E2F3: variants seen among roughly 807,000 people sequenced by gnomAD.
E2F3 encodes transcription factor E2F3.
In E2F3, 11 loss-of-function variants were observed where a neutral mutation model predicts 44.4. The ratio of observed to expected loss-of-function variants is 0.25; its 90% CI spans 0.16 to 0.41. The LOEUF (loss-of-function observed/expected upper bound fraction) is 0.41. E2F3 is among the 10% of genes least tolerant of loss of function. E2F3 has a pLI of 1.00. For missense variants in E2F3, 487 were observed against 583.6 expected (o/e 0.83, Z 1.70); for synonymous variants, 249 against 253.0 (o/e 0.98, Z 0.15).
rs532381766 is a variant in E2F3 at position 20,462,052 on chromosome 6, A to C, written c.394-17794A>C. 7.9e-5 allele frequency among the ~76,000 whole-genome samples: 12 copies of C among 152,256 alleles called. No individual in the cohort carries two copies. The East Asian group carries it at 2.3e-3, about 29-fold the overall frequency. On this transcript the variant is annotated intron_variant, in intron 1 of 6. Coordinates refer to ENST00000346618, the MANE Select transcript of E2F3 (RefSeq NM_001949.5). ...TAGTAGTCTCTTCTAGGAATCCCCT[A>C]TTCCTGTCTTTTATCTAATTTTTCT... is the stretch of plus-strand genomic sequence containing the variant.
Position 20,486,893 on chromosome 6 carries a change from C to T in E2F3, c.999+90C>T, listed in dbSNP as rs1762410972. On this transcript the variant is annotated intron_variant, in intron 5 of 6. Coordinates refer to ENST00000346618, the MANE Select transcript of E2F3 (RefSeq NM_001949.5). ...CATTGACTCATAGTTAAAGTCTGTC[C>T]CCCTCCTATGAACTTGATGGTTCTT... is the stretch of plus-strand genomic sequence containing the variant. 4 of 790,796 alleles carry T rather than the reference C, an allele frequency of 5.1e-6. No individual in the cohort carries two copies. In the East Asian group the frequency reaches 1.0e-4, roughly 21 times the overall value. 49.0% of individuals were successfully genotyped at this position (790,796 alleles called of 1,614,324 possible).
intron 1 of E2F3, among the ~76,000 whole-genome samples, chr6:20,441,080 T>C (rs1760756662): frequency 6.6e-6 from 1 of 152,216 alleles, no homozygotes; most frequent in Admixed American, 6.5e-5. Context: ...TGGCTACATT[T>C]ACAATGTTAT....
At chr6:20,483,069 G>A in intron 4 of E2F3, 149 bp downstream of exon 4, 3 of 1,156,086 alleles carry the variant, frequency 2.6e-6, no homozygotes, top group South Asian at 1.5e-5. Flanking sequence ...GTGTGTGTGT[G>A]CACGTGTGTG....
intron 3 of E2F3, among the ~76,000 whole-genome samples, chr6:20,481,980 C>T (rs761660988): frequency 2.6e-5 from 4 of 151,962 alleles, no homozygotes; most frequent in Admixed American, 6.6e-5. Flanking sequence ...TACAGCCACA[C>T]GTATGATTAC....
At chr6:20,418,718 A>G (rs1309633070) in intron 1 of E2F3, among the ~76,000 whole-genome samples, 1 of 152,208 alleles carries the variant, frequency 6.6e-6, no homozygotes, top group Admixed American at 6.5e-5. Context: ...TCTCCTCTCT[A>G]GAGCGTACCT....
chr6:20,479,195 T>C (rs1290731946), intron 1 of E2F3, among the ~76,000 whole-genome samples: 1 of 152,248 alleles, frequency 6.6e-6, no homozygotes, highest in African/African-American at 2.4e-5. Context: ...GGGCCGTTTG[T>C]AGTCTGTGAC....
chr6:20,467,677 AG>A (rs1213734318), intron 1 of E2F3, among the ~76,000 whole-genome samples: 2 of 152,154 alleles, frequency 1.3e-5, no homozygotes, highest in Non-Finnish European at 2.9e-5. Context: ...TCTGGCATCG[AG>A]GTTTGGCCCA....
intron 1 of E2F3, among the ~76,000 whole-genome samples, chr6:20,474,569 A>T (rs1314135882): frequency 6.6e-6 from 1 of 152,174 alleles, no homozygotes; most frequent in Non-Finnish European, 1.5e-5. Flanking sequence ...TACGATGCTC[A>T]CGCTGTGAAC....
In E2F3 at chr6:20,486,812, A is replaced by G; in HGVS notation, c.999+9A>G. The G allele has an allele frequency of 1.3e-6, 2 of 1,553,732 alleles. No individual in the cohort carries two copies. The highest frequency in any genetic ancestry group is 1.7e-4 in the Middle Eastern group (1 of 5,902). On this transcript the variant is annotated intron_variant, in intron 5 of 6. Coordinates refer to ENST00000346618, the MANE Select transcript of E2F3 (RefSeq NM_001949.5). ...TGCCTGACTCAATAGAGGTAAGGAG[A>G]CAGCGTCTTTGTTCATCTGCAAAGA...
rs1581668731 is a variant in E2F3, at chr6:20,493,333, G to A, written c.*2903G>A. 4.4e-6 allele frequency: 1 copy of A among 225,982 alleles called. No individual in the cohort carries two copies. The allele number at this position is 225,982 out of a possible 1,614,324, so 14.0% of individuals were successfully genotyped here. On this transcript the variant is annotated 3_prime_UTR_variant, in exon 7 of 7. Coordinates refer to ENST00000346618, the MANE Select transcript of E2F3 (RefSeq NM_001949.5). ...TCAGGAAAAAGAAAATAAGAATTCAGTGTGTGCATGACAACTCGTGTGTAT... is the reference window on the plus strand; with the variant it reads ...TCAGGAAAAAGAAAATAAGAATTCAATGTGTGCATGACAACTCGTGTGTAT...
intron 1 of E2F3, chr6:20,403,691 C>T (rs1759388500): frequency 1.6e-6 from 1 of 606,126 alleles, no homozygotes; most frequent in Non-Finnish European, 2.8e-6. Flanking sequence ...CGCCACCCTC[C>T]CTCTCCTCTC....
chr6:20,445,201 C>G, intron 1 of E2F3: 2 of 940,254 alleles, frequency 2.1e-6, no homozygotes, highest in South Asian at 4.9e-5. Flanking sequence ...TCTTCCTTCC[C>G]AGGATGACAA....
chr6:20,478,852 T>C (rs1309909625), intron 1 of E2F3, among the ~76,000 whole-genome samples: 3 of 152,200 alleles, frequency 2.0e-5, no homozygotes, highest in Admixed American at 2.0e-4. Flanking sequence ...AGAATCTGCC[T>C]GAAAATGAGC....
intron 1 of E2F3, among the ~76,000 whole-genome samples, chr6:20,428,213 CTTTTATT>C (rs1387849041): frequency 6.6e-6 from 1 of 151,974 alleles, no homozygotes; most frequent in Admixed American, 6.6e-5. Context: ...CAAACTTCCT[CTTTTATT>C]TTTTATTTTT....
chr6:20,411,999 C>T lies in E2F3; in HGVS notation c.393+9374C>T, dbSNP rs115271622. ...ATTTTCATTAGACACCTTCCATGTG[C>T]TTGGTACCCCATTAGTCCTATTGGG... On this transcript the variant is annotated intron_variant, in intron 1 of 6. Transcript: ENST00000346618. 9.1e-3 allele frequency among the ~76,000 whole-genome samples: 1,382 copies of T among 152,324 alleles called. 13 individuals carry two copies. The highest frequency in any genetic ancestry group is 0.017 in the Middle Eastern group (5 of 294).
chr6:20,493,665 A>T lies in E2F3; in HGVS notation c.*3235A>T. On this transcript the variant is annotated 3_prime_UTR_variant, in exon 7 of 7. Transcript: ENST00000346618. ...TACCACTTCAAATGGGTGTAATTTG[A>T]ATAAATTTTGTATGGTAAAGGATCA... 1 of 201,334 alleles carries T rather than the reference A, an allele frequency of 5.0e-6. No homozygotes were observed. The highest frequency in any genetic ancestry group is 7.7e-5 in the East Asian group (1 of 12,934). 12.5% of individuals were successfully genotyped at this position (201,334 alleles called of 1,614,324 possible). A position where few individuals can be genotyped will look rare whatever the true frequency, so the allele number is the denominator to read the frequency against.
rs1046622156 is a variant in E2F3 at position 20,493,324 on chromosome 6, A to G, written c.*2894A>G. 4.6e-6 allele frequency: 1 copy of G among 219,508 alleles called. No homozygotes were observed. 13.6% of individuals were successfully genotyped at this position (219,508 alleles called of 1,614,324 possible). On this transcript the variant is annotated 3_prime_UTR_variant, in exon 7 of 7. Coordinates refer to ENST00000346618, the MANE Select transcript of E2F3 (RefSeq NM_001949.5). ...CTTAAGCTTTCAGGAAAAAGAAAATAAGAATTCAGTGTGTGCATGACAACT... is the reference window on the plus strand; with the variant it reads ...CTTAAGCTTTCAGGAAAAAGAAAATGAGAATTCAGTGTGTGCATGACAACT...
rs777566535 is a variant in E2F3 at position 20,402,429 on chromosome 6, C to G, written c.197C>G (p.Ser66Cys). 3.1e-6 allele frequency: 5 copies of G among 1,611,608 alleles called. No homozygotes were observed. The highest frequency in any genetic ancestry group is 4.2e-6 in the Non-Finnish European group (5 of 1,179,464). Residue 66 changes from serine (S) to cysteine (C), a missense_variant, in exon 1 of 7, where the codon TCC becomes TGC. This residue lies in a region of E2F3 where 238 missense variants were observed against 236.0 expected (regional missense o/e 1.01). Transcript: ENST00000346618. The surrounding 1 kb of genome is among the most constrained non-coding windows in gnomAD (Gnocchi z 5.6). The stretch of plus-strand genomic sequence containing the variant: ...ATCCAGATCCTCACCACGAACACTT[C>G]CACCACCTCCTGTTCCTCCTCCCTC... ...AYIQILTTNT[S>C]TTSCSSSLQS...
chr6:20,451,065 C>T (rs1184893757), intron 1 of E2F3, among the ~76,000 whole-genome samples: 1 of 152,154 alleles, frequency 6.6e-6, no homozygotes, highest in African/African-American at 2.4e-5. Flanking sequence ...TAGTGTAATG[C>T]CTCCAGCTTT....
Sources: gnomAD v4.1 joint callset for allele counts (sites outside exome capture counted in the v4.1 genomes callset) on GRCh38, gnomAD v4.1.1 for gene constraint, gnomAD v4.1.1 regional missense constraint, Gnocchi (gnomAD v3.1) non-coding constraint, MANE v1.5 for transcripts, NCBI Gene and HGNC (gene_info 2026-07-23, HGNC 2026-07-21) for gene names.